GLG1: variants seen among roughly 807,000 people sequenced by gnomAD.
The protein encoded by GLG1 is golgi glycoprotein 1.
GLG1 carries 38 observed loss-of-function variants against 160.5 expected under a neutral mutation model. That is an observed-to-expected ratio of 0.24 (90% confidence interval 0.18 to 0.31). The LOEUF (loss-of-function observed/expected upper bound fraction) is 0.31, where lower values mean the gene tolerates loss of function less well. Ranked by LOEUF, GLG1 falls within the 10% of genes least tolerant of loss-of-function variation. The pLI, the probability that GLG1 is intolerant of heterozygous loss-of-function variation, is 1.00. For missense variants in GLG1, 1,373 were observed against 1,505.2 expected (o/e 0.91, Z 1.45); for synonymous variants, 644 against 543.4 (o/e 1.19, Z -2.57).
At chr16:74,553,354 G>T (rs1279991277) in intron 1 of GLG1, among the ~76,000 whole-genome samples, 2 of 151,818 alleles carry the variant, frequency 1.3e-5, no homozygotes, top group Non-Finnish European at 2.9e-5. Flanking sequence ...ACACCACCAT[G>T]CTCGGCTACT....
chr16:74,537,003 A>G (rs567347904), intron 1 of GLG1, among the ~76,000 whole-genome samples: 12 of 152,336 alleles, frequency 7.9e-5, no homozygotes, highest in African/African-American at 2.4e-4. Context: ...TACATCAAGT[A>G]TTTACTCATT....
intron 20 of GLG1, 100 bp downstream of exon 20, chr16:74,463,256 C>T: frequency 2.5e-6 from 3 of 1,197,970 alleles, no homozygotes; most frequent in Non-Finnish European, 3.6e-6. Context: ...TTAAAATTCC[C>T]AGGCAACAAA....
At chr16:74,577,215 C>T (rs1010622232) in intron 1 of GLG1, among the ~76,000 whole-genome samples, 2 of 149,322 alleles carry the variant, frequency 1.3e-5, no homozygotes, top group African/African-American at 4.9e-5. Flanking sequence ...TGTAAGCCCA[C>T]TTATTTTAAA....
In GLG1 at chr16:74,468,569, G is replaced by A. The variant is rs1007284294; in HGVS notation, c.2436+377C>T. On this transcript the variant is annotated intron_variant, in intron 17 of 25. Transcript: ENST00000422840. ...TTTAGTACAGGCAGGGTTTCATCACGTTGGCCAGGCTGGTTTTGAACTCCT... is the reference window on the plus strand; with the variant it reads ...TTTAGTACAGGCAGGGTTTCATCACATTGGCCAGGCTGGTTTTGAACTCCT... 2.5e-5 allele frequency: 5 copies of A among 197,530 alleles called. 1 individual carries two copies. Among genetic ancestry groups the A allele is most frequent in the Non-Finnish European group, 1.1e-5 (1 of 94,314 alleles). The allele number at this position is 197,530 out of a possible 1,614,324, so 12.2% of individuals were successfully genotyped here. A position where few individuals can be genotyped will look rare whatever the true frequency, so the allele number is the denominator to read the frequency against.
intron 2 of GLG1, among the ~76,000 whole-genome samples, chr16:74,525,034 T>C (rs2017291682): frequency 6.6e-6 from 1 of 152,244 alleles, no homozygotes; most frequent in South Asian, 2.1e-4. Context: ...TCATGTTTTA[T>C]TTATCCATTA....
rs891765019 is a variant in GLG1, at chr16:74,453,405, T to A, written c.3373-71A>T. The stretch of plus-strand genomic sequence containing the variant: ...TGGTGGCAGTGCTAGGTCTAACTTA[T>A]CCCTCTCAGTTCCTAGTTTAATTTA... On this transcript the variant is annotated intron_variant, in intron 25 of 25. Transcript: ENST00000422840. 8.7e-6 allele frequency: 8 copies of A among 917,410 alleles called. 1 individual carries two copies. Among genetic ancestry groups the A allele is most frequent in the South Asian group, 3.0e-5 (2 of 65,952 alleles). The allele number at this position is 917,410 out of a possible 1,614,324, so 56.8% of individuals were successfully genotyped here.
chr16:74,472,358 G>A lies in GLG1; in HGVS notation c.2106C>T (p.Asn702=). The A allele has an allele frequency of 6.2e-7, 1 of 1,610,866 alleles. No homozygotes were observed. The highest frequency in any genetic ancestry group is 8.5e-7 in the Non-Finnish European group (1 of 1,177,074). ...TCCAGACATCACTTACGTGGCAGAA[G>A]TTCTGAATTATGGGCTCACAGGCTC... ...LMRACEPIIQ[N]FCHDVADNQI... is the part of the protein sequence containing the mutation. Residue 702 remains asparagine (N), a synonymous_variant, in exon 14 of 26, where the codon AAC becomes AAT. Coordinates refer to ENST00000422840, the MANE Select transcript of GLG1 (RefSeq NM_001145667.2).
rs1309955703 is a variant in GLG1, at chr16:74,494,932, C to A, written c.979-101G>T. 3 of 599,348 alleles carry A rather than the reference C, an allele frequency of 5.0e-6. No individual in the cohort carries two copies. The South Asian group carries it at 6.2e-5, about 12-fold the overall frequency. 37.1% of individuals were successfully genotyped at this position (599,348 alleles called of 1,614,324 possible). ...GAGCTTTCTATTAAACGATTATAAT[C>A]GTACATACCTTTGGACAAACAGCGC... On this transcript the variant is annotated intron_variant, in intron 5 of 25. Transcript: ENST00000422840.
intron 2 of GLG1, among the ~76,000 whole-genome samples, 193 bp downstream of exon 2, chr16:74,531,928 T>C (rs2017546558): frequency 1.3e-5 from 2 of 152,170 alleles, no homozygotes; most frequent in South Asian, 4.1e-4. Context: ...TAAATATTAT[T>C]TGGGAGAACC....
chr16:74,606,465 G>A (rs1192855574), intron 1 of GLG1, among the ~76,000 whole-genome samples, 192 bp downstream of exon 1: 1 of 152,190 alleles, frequency 6.6e-6, no homozygotes, highest in Non-Finnish European at 1.5e-5. Context: ...AATAAGGGCG[G>A]GGGAAAGAAG....
At chr16:74,593,855 C>T (rs561846058) in intron 1 of GLG1, among the ~76,000 whole-genome samples, 44 of 152,222 alleles carry the variant, frequency 2.9e-4, no homozygotes, top group African/African-American at 9.4e-4. Context: ...TACCATTTCA[C>T]TTCATTGTTT....
intron 1 of GLG1, among the ~76,000 whole-genome samples, chr16:74,598,400 A>G (rs534095855): frequency 1.8e-3 from 268 of 152,044 alleles, no homozygotes; most frequent in African/African-American, 6.3e-3. Context: ...GGGCGCCTGT[A>G]GTCCCAGCTA....
At chr16:74,577,264 G>A (rs1212381071) in intron 1 of GLG1, among the ~76,000 whole-genome samples, 1 of 146,100 alleles carries the variant, frequency 6.8e-6, no homozygotes, top group Non-Finnish European at 1.5e-5. Context: ...GCTCCTGCCT[G>A]TAATCCCAGC....
At chr16:74,592,414 G>C (rs533464847) in intron 1 of GLG1, among the ~76,000 whole-genome samples, 1 of 152,266 alleles carries the variant, frequency 6.6e-6, no homozygotes, top group African/African-American at 2.4e-5. Context: ...CAAGTGCTGA[G>C]AGCCACTGCA....
intron 3 of GLG1, among the ~76,000 whole-genome samples, chr16:74,504,418 G>A (rs1328970544): frequency 6.6e-6 from 1 of 152,138 alleles, no homozygotes; most frequent in Non-Finnish European, 1.5e-5. Flanking sequence ...TTCCTGAGTA[G>A]CTAGGATTAT....
rs146683810 is a variant in GLG1 at position 74,473,563 on chromosome 16, C to T, written c.2052+983G>A. 2.2e-3 allele frequency among the ~76,000 whole-genome samples: 340 copies of T among 151,592 alleles called. 2 individuals carry two copies. Among genetic ancestry groups the T allele is most frequent in the African/African-American group, 7.9e-3 (326 of 41,282 alleles). On this transcript the variant is annotated intron_variant, in intron 13 of 25. Coordinates refer to ENST00000422840, the MANE Select transcript of GLG1 (RefSeq NM_001145667.2). ...CACGCCACTCTCCTGCCTCAGCCTC[C>T]CGAGTAGCTGGGACTACAGGCACCC...
intron 24 of GLG1, among the ~76,000 whole-genome samples, chr16:74,457,339 G>A (rs1193080251): frequency 1.3e-5 from 2 of 152,240 alleles, no homozygotes; most frequent in Non-Finnish European, 2.9e-5. Context: ...GGAGGTTGCA[G>A]TGAGCTGAGA....
chr16:74,480,258 CA>C lies in GLG1; in HGVS notation c.1809del (p.Glu604ArgfsTer37). ...FSCLYRHAYR[T>X]EEQGRRLSRE... Reference sequence around the variant, plus strand: ...CTGCATACCCTCCTTCCCTGTTCCTCAGTGCGGTAGGCGTGTCTGTATAAAC... The same window carrying C: ...CTGCATACCCTCCTTCCCTGTTCCTCGTGCGGTAGGCGTGTCTGTATAAAC... On this transcript the variant is annotated frameshift_variant, in exon 11 of 26. Coordinates refer to ENST00000422840, the MANE Select transcript of GLG1 (RefSeq NM_001145667.2). LOFTEE classifies it high-confidence loss of function. The C allele has an allele frequency of 6.2e-7, 1 of 1,611,842 alleles. No individual in the cohort carries two copies. Among genetic ancestry groups the C allele is most frequent in the Non-Finnish European group, 8.5e-7 (1 of 1,178,022 alleles).
intron 2 of GLG1, among the ~76,000 whole-genome samples, chr16:74,510,428 T>G (rs1465694661): frequency 6.6e-6 from 1 of 152,220 alleles, no homozygotes; most frequent in Non-Finnish European, 1.5e-5. Context: ...ACTTTATTTT[T>G]GAAGCTTCCA....
Sources: allele counts gnomAD v4.1 joint callset (sites outside exome capture counted in the v4.1 genomes callset), GRCh38; gene constraint gnomAD v4.1.1; transcripts MANE v1.5; gene names NCBI Gene and HGNC (gene_info 2026-07-23, HGNC 2026-07-21).